The following TDP1 variants were observed in gnomAD, a reference collection of about 807,000 sequenced individuals.
TDP1 encodes the protein tyrosyl-DNA phosphodiesterase 1.
Under a neutral mutation model 81.5 loss-of-function variants are expected in TDP1, and 64 were observed. The ratio of observed to expected loss-of-function variants is 0.79; its 90% confidence interval spans 0.64 to 0.97. The LOEUF (loss-of-function observed/expected upper bound fraction) is 0.97, where lower values mean the gene tolerates loss of function less well. Among genes scored for constraint, TDP1 ranks in the 50% least tolerant of loss-of-function variants. TDP1 has a pLI of 0.00. For missense variants in TDP1, 723 were observed against 743.8 expected (o/e 0.97, Z 0.33); for synonymous variants, 256 against 264.3 (o/e 0.97, Z 0.30).
At chr14:89,971,417 T>C in intron 6 of TDP1, 146 bp downstream of exon 6, 1 of 708,424 alleles carries the variant, frequency 1.4e-6, no homozygotes, top group Non-Finnish European at 2.5e-6. Flanking sequence ...GCTTAAACAC[T>C]TCCTGAGATA....
In TDP1 at chr14:89,966,027, T is replaced by G. The variant is rs555067459; in HGVS notation, c.560-120T>G. ...AAAGTCTGACTTTGTAGTAACTGTTTAGCTTACTGTGTTCTGAGTCAGATC... is the reference window on the plus strand; with the variant it reads ...AAAGTCTGACTTTGTAGTAACTGTTGAGCTTACTGTGTTCTGAGTCAGATC... On this transcript the variant is annotated intron_variant, in intron 3 of 16. Coordinates refer to ENST00000335725, the MANE Select transcript of TDP1 (RefSeq NM_018319.4). The G allele has an allele frequency of 1.1e-4, 107 of 978,616 alleles. No individual in the cohort carries two copies. In the South Asian group the frequency reaches 1.4e-3, roughly 13 times the overall value. The allele number at this position is 978,616 out of a possible 1,614,324, so 60.6% of individuals were successfully genotyped here.
chr14:89,988,761 G>T, intron 10 of TDP1, 144 bp from the exon 11 acceptor site: 1 of 1,514,518 alleles, frequency 6.6e-7, no homozygotes, highest in Non-Finnish European at 8.8e-7. Context: ...AAGTATGTAT[G>T]TGTGGGTATG....
intron 2 of TDP1, among the ~76,000 whole-genome samples, chr14:89,959,998 A>G (rs911919371): frequency 6.6e-6 from 1 of 152,198 alleles, no homozygotes; most frequent in Non-Finnish European, 1.5e-5. Flanking sequence ...TTACTTTAGA[A>G]TGGGCAAGGT....
intron 16 of TDP1, among the ~76,000 whole-genome samples, chr14:90,038,817 G>A (rs919839693): frequency 2.5e-4 from 38 of 151,798 alleles, no homozygotes; most frequent in African/African-American, 7.3e-4. Context: ...CAGCCCGGGT[G>A]ACAGAGCGAG....
chr14:89,956,464 G>C (rs890009492), intron 1 of TDP1, 114 bp from the exon 2 acceptor site: 3 of 152,474 alleles, frequency 2.0e-5, no homozygotes, highest in African/African-American at 7.2e-5. Context: ...AAATGAGCAC[G>C]CAGTAAGGTT....
upstream of TDP1, chr14:89,955,365 C>T (rs1891457119): frequency 6.6e-6 from 1 of 152,210 alleles, no homozygotes; most frequent in Admixed American, 6.5e-5. Context: ...ATACCATAAA[C>T]AGCACCGAGC....
chr14:90,028,786 C>T (rs1045924481), intron 15 of TDP1, among the ~76,000 whole-genome samples: 2 of 152,136 alleles, frequency 1.3e-5, no homozygotes, highest in African/African-American at 4.8e-5. Flanking sequence ...CAAACCTTCT[C>T]ATATCTGAGG....
chr14:90,018,692 G>A (rs112263865), intron 14 of TDP1, among the ~76,000 whole-genome samples: 8,307 of 151,992 alleles, frequency 0.055, 377 homozygotes, highest in African/African-American at 0.12. Flanking sequence ...TGGTCCGCCC[G>A]CCTCGGCCTC....
At chr14:90,020,041 C>T (rs901526139) in intron 15 of TDP1, among the ~76,000 whole-genome samples, 5 of 152,146 alleles carry the variant, frequency 3.3e-5, no homozygotes, top group African/African-American at 4.8e-5. Context: ...ACTGGTCTTT[C>T]GAGATGTCCA....
chr14:90,035,733 C>CTTTTTTTT (rs543354253), intron 16 of TDP1, among the ~76,000 whole-genome samples: 10,009 of 138,560 alleles, frequency 0.072, 1,006 homozygotes, highest in African/African-American at 0.22. Context: ...CCTTTTCTTC[C>CTTTTTTTT]TTTTTTTTTT....
chr14:89,955,146 C>G (rs1207870083), upstream of TDP1: 1 of 158,248 alleles, frequency 6.3e-6, no homozygotes, highest in African/African-American at 2.4e-5. Context: ...GTCCAGGATT[C>G]TCGTTCAGAT....
At chr14:89,975,376 T>G (rs1894163365) in intron 6 of TDP1, 1 of 985,000 alleles carries the variant, frequency 1.0e-6, no homozygotes, top group Non-Finnish European at 1.2e-6. Flanking sequence ...GCACCTGGCC[T>G]TCAGTGTTTC....
At chr14:89,966,017 AGT>A in intron 3 of TDP1, 128 bp from the exon 4 acceptor site, 1 of 982,130 alleles carries the variant, frequency 1.0e-6, no homozygotes, top group Non-Finnish European at 1.6e-6. Context: ...CTGACTTTGT[AGT>A]AACTGTTTAG....
intron 14 of TDP1, among the ~76,000 whole-genome samples, chr14:90,005,526 A>G (rs1169838972): frequency 6.6e-6 from 1 of 152,208 alleles, no homozygotes; most frequent in African/African-American, 2.4e-5. Context: ...GAGGTGCATT[A>G]AAATTTACTA....
intron 16 of TDP1, among the ~76,000 whole-genome samples, chr14:90,041,577 G>C (rs543449954): frequency 1.3e-5 from 2 of 152,306 alleles, no homozygotes; most frequent in Admixed American, 6.5e-5. Context: ...ATCTGCCTCT[G>C]TTCAAGAGAA....
intron 10 of TDP1, among the ~76,000 whole-genome samples, chr14:89,987,497 T>G (rs1895697665): frequency 6.6e-6 from 1 of 152,194 alleles, no homozygotes. Flanking sequence ...AGTGGACACT[T>G]TTAAAAGGGG....
chr14:89,989,625 T>C, intron 11 of TDP1, 92 bp from the exon 12 acceptor site: 1 of 1,211,600 alleles, frequency 8.3e-7, no homozygotes, highest in South Asian at 1.4e-5. Flanking sequence ...AAAAGTATTT[T>C]TAACAGATTT....
chr14:89,997,598 G>A (rs138975997), intron 14 of TDP1, among the ~76,000 whole-genome samples: 1,698 of 152,234 alleles, frequency 0.011, 25 homozygotes, highest in South Asian at 0.043. Flanking sequence ...TGTTAACACC[G>A]TAATCCTTTG....
intron 14 of TDP1, among the ~76,000 whole-genome samples, chr14:89,999,552 G>A (rs1343396328): frequency 6.6e-6 from 1 of 152,096 alleles, no homozygotes; most frequent in African/African-American, 2.4e-5. Flanking sequence ...GGTTTGGAAT[G>A]AATAACCCAC....
Sources: gnomAD v4.1 joint callset for allele counts (sites outside exome capture counted in the v4.1 genomes callset) on GRCh38, gnomAD v4.1.1 for gene constraint, MANE v1.5 for transcripts, NCBI Gene and HGNC (gene_info 2026-07-23, HGNC 2026-07-21) for gene names.